DDX52: variants seen among roughly 807,000 people sequenced by gnomAD.
DDX52 encodes the protein probable ATP-dependent RNA helicase DDX52.
DDX52 carries 59 observed loss-of-function variants against 76.1 expected under a neutral mutation model. That is an observed-to-expected ratio of 0.78 (90% CI 0.63 to 0.96). DDX52 has a LOEUF of 0.96. Ranked by LOEUF, DDX52 falls within the 40% of genes least tolerant of loss-of-function variation. DDX52 has a pLI of 0.00. For missense variants in DDX52, 707 were observed against 703.9 expected, an observed-to-expected ratio of 1.00 and a Z score of -0.05; for synonymous variants, 231 against 244.1, an observed-to-expected ratio of 0.95 and a Z score of 0.50.
Position 37,614,343 on chromosome 17 carries a change from T to G in DDX52, c.1753A>C (p.Thr585Pro). 4 of 1,611,148 alleles carry G rather than the reference T, an allele frequency of 2.5e-6. No homozygotes were observed. The highest frequency in any genetic ancestry group is 3.4e-6 in the Non-Finnish European group (4 of 1,179,198). Reference protein sequence around the residue: ...EKAKDKQKKVTGQNSKKKVAL... With the variant: ...EKAKDKQKKVPGQNSKKKVAL... ...ACTTTCTTCTTGCTGTTCTGACCAG[T>G]GACCTTTTTCCTGTAAAGAGCAAAG... is the stretch of plus-strand genomic sequence containing the variant. Residue 585 changes from threonine to proline, a missense_variant, in exon 15 of 15, where the codon ACT (threonine) becomes CCT (proline). By Grantham distance (38) the Thr-to-Pro change is conservative. Transcript: ENST00000617633.
intron 12 of DDX52, 125 bp from the exon 13 acceptor site, chr17:37,619,964 AT>A: frequency 1.1e-6 from 1 of 878,244 alleles, no homozygotes; most frequent in Non-Finnish European, 1.8e-6. Context: ...GTGTTCTGAT[AT>A]ATTATCAATT....
intron 9 of DDX52, 75 bp downstream of exon 9, chr17:37,624,269 A>G (rs2030249439): frequency 9.2e-6 from 10 of 1,088,950 alleles, no homozygotes; most frequent in Non-Finnish European, 1.2e-5. Flanking sequence ...CAGTGCTACC[A>G]CTGTAATAGC....
chr17:37,641,979 T>C (rs2031221770), intron 2 of DDX52, 131 bp downstream of exon 2: 4 of 1,092,558 alleles, frequency 3.7e-6, no homozygotes, highest in Non-Finnish European at 5.3e-6. Context: ...TAATGACAAA[T>C]ACCTGGAAAC....
chr17:37,626,485 G>A lies in DDX52; in HGVS notation c.932+303C>T, dbSNP rs569864711. ...GACTTGTGGGTCAATTAAACCTTCC[G>A]TTCTTTATAAATTACCCAGTCTCAG... On this transcript the variant is annotated intron_variant, in intron 7 of 14. Coordinates refer to ENST00000617633, the MANE Select transcript of DDX52 (RefSeq NM_007010.5). 6.6e-4 allele frequency among the ~76,000 whole-genome samples: 100 copies of A among 152,176 alleles called. 2 individuals carry two copies. The Middle Eastern group carries it at 0.02, about 31-fold the overall frequency.
chr17:37,633,620 C>T (rs1188664701), intron 2 of DDX52, among the ~76,000 whole-genome samples: 1 of 146,608 alleles, frequency 6.8e-6, no homozygotes, highest in Non-Finnish European at 1.5e-5. Context: ...CATGCCACTG[C>T]ATTCCAGCCT....
chr17:37,630,948 T>G (rs1442769495), intron 4 of DDX52: 1 of 152,226 alleles, frequency 6.6e-6, no homozygotes, highest in African/African-American at 2.4e-5. Context: ...CCCACTGTGA[T>G]TTTTTAAGCT....
chr17:37,616,675 A>G (rs943466835), intron 14 of DDX52, among the ~76,000 whole-genome samples: 1 of 151,894 alleles, frequency 6.6e-6, no homozygotes, highest in Non-Finnish European at 1.5e-5. Flanking sequence ...AAAAAAAAAA[A>G]GTAAATGTGA....
rs2030399447 is a variant in DDX52 at position 37,626,789 on chromosome 17, T to A, written c.931A>T (p.Ser311Cys). ...AAGACATGAAAATATCATCTATACCTTGCTAGGTCGATTCCGGGGGGATCT... is the reference window on the plus strand; with the variant it reads ...AAGACATGAAAATATCATCTATACCATGCTAGGTCGATTCCGGGGGGATCT... ...KQDPPGIDLASVEWLVVDESD... is the reference protein window; with the variant it reads ...KQDPPGIDLACVEWLVVDESD... Residue 311 changes from serine (S) to cysteine (C), a missense_variant and splice_region_variant, in exon 7 of 15, where the codon AGT (serine) becomes TGT (cysteine). Coordinates refer to ENST00000617633, the MANE Select transcript of DDX52 (RefSeq NM_007010.5). 1 of 1,611,014 alleles carries A rather than the reference T, an allele frequency of 6.2e-7. No homozygotes were observed. Among genetic ancestry groups the A allele is most frequent in the Admixed American group, 1.7e-5 (1 of 59,510 alleles).
At chr17:37,640,204 A>G (rs1408042657) in intron 2 of DDX52, among the ~76,000 whole-genome samples, 1 of 152,216 alleles carries the variant, frequency 6.6e-6, no homozygotes, top group East Asian at 1.9e-4. Flanking sequence ...TGACACTGCA[A>G]AACTACAACA....
In DDX52 at chr17:37,642,300, T is replaced by C. The variant is rs370368081; in HGVS notation, c.96A>G (p.Lys32=). The part of the protein sequence containing the change: ...SADAARFQIG[K]RKYDFDSSEV... Reference sequence around the variant, plus strand: ...CCGAAGAATCAAAGTCATATTTCCTTTTTCCTATCTAAAACCCAAAAAATG... The same window carrying C: ...CCGAAGAATCAAAGTCATATTTCCTCTTTCCTATCTAAAACCCAAAAAATG... Residue 32 remains lysine, a synonymous_variant, in exon 2 of 15, where the codon AAA becomes AAG. Transcript: ENST00000617633. The C allele has an allele frequency of 3.1e-6, 5 of 1,612,898 alleles. No homozygotes were observed. The highest frequency in any genetic ancestry group is 4.2e-6 in the Non-Finnish European group (5 of 1,179,506).
At chr17:37,624,827 TG>T (rs2030282098) in intron 8 of DDX52, among the ~76,000 whole-genome samples, 1 of 152,052 alleles carries the variant, frequency 6.6e-6, no homozygotes, top group Non-Finnish European at 1.5e-5. Flanking sequence ...CAGTTAGGGG[TG>T]AGATATATTA....
At chr17:37,640,138 C>G (rs896479476) in intron 2 of DDX52, among the ~76,000 whole-genome samples, 3 of 152,182 alleles carry the variant, frequency 2.0e-5, no homozygotes, top group Non-Finnish European at 4.4e-5. Flanking sequence ...TGCAATTCCA[C>G]TTCTAAGAAT....
At chr17:37,622,097 G>C (rs2030128628) in intron 9 of DDX52, among the ~76,000 whole-genome samples, 1 of 151,636 alleles carries the variant, frequency 6.6e-6, no homozygotes, top group African/African-American at 2.4e-5. Flanking sequence ...CTTAGTCCTT[G>C]GTTCTCAGTT....
At chr17:37,618,194 G>C (rs1308618944) in intron 14 of DDX52, 98 bp downstream of exon 14, 2 of 826,696 alleles carry the variant, frequency 2.4e-6, no homozygotes, top group Non-Finnish European at 3.9e-6. Context: ...ACAGACTGTA[G>C]TATCAATTCT....
At chr17:37,634,296 C>A (rs1322057588) in intron 2 of DDX52, among the ~76,000 whole-genome samples, 2 of 151,676 alleles carry the variant, frequency 1.3e-5, no homozygotes, top group African/African-American at 4.8e-5. Flanking sequence ...ATGTAAACAA[C>A]CAACAACTAA....
In DDX52 at chr17:37,611,837, T is replaced by C. The variant is rs2064369487; in HGVS notation, c.*2459A>G. Reference sequence around the variant, plus strand: ...TAGCTGAGTGTTGGTGGCCCGCACCTATAGTACCAGCTACTCGGGAGGCTG... The same window carrying C: ...TAGCTGAGTGTTGGTGGCCCGCACCCATAGTACCAGCTACTCGGGAGGCTG... On this transcript the variant is annotated 3_prime_UTR_variant, in exon 15 of 15. Transcript: ENST00000617633. The C allele has an allele frequency of 6.7e-6, 1 of 150,050 alleles. No individual in the cohort carries two copies. The highest frequency in any genetic ancestry group is 1.5e-5 in the Non-Finnish European group (1 of 67,752). The allele number at this position is 150,050 out of a possible 1,614,324, so 9.3% of individuals were successfully genotyped here. A position where few individuals can be genotyped will look rare whatever the true frequency, so the allele number is the denominator to read the frequency against.
At chr17:37,631,148 C>T (rs915202555) in intron 4 of DDX52, 1 of 152,126 alleles carries the variant, frequency 6.6e-6, no homozygotes, top group Non-Finnish European at 1.5e-5. Flanking sequence ...AAGGCCATCT[C>T]GGTTACATGG....
Position 37,613,562 on chromosome 17 carries a change from T to G in DDX52, c.*734A>C, listed in dbSNP as rs950526803. 6.6e-6 allele frequency: 1 copy of G among 152,184 alleles called. No homozygotes were observed. The highest frequency in any genetic ancestry group is 1.5e-5 in the Non-Finnish European group (1 of 68,034). 9.4% of individuals were successfully genotyped at this position (152,184 alleles called of 1,614,324 possible). Reference sequence around the variant, plus strand: ...TATTACGTATCCAATACAAGGATACTTAATAGACCAAAGAATTTAAAATCC... The same window carrying G: ...TATTACGTATCCAATACAAGGATACGTAATAGACCAAAGAATTTAAAATCC... On this transcript the variant is annotated 3_prime_UTR_variant, in exon 15 of 15. Transcript: ENST00000617633.
intron 9 of DDX52, 36 bp from the exon 10 acceptor site, chr17:37,621,556 T>C: frequency 6.3e-7 from 1 of 1,583,274 alleles, no homozygotes; most frequent in East Asian, 2.3e-5. Context: ...CATAACTCAA[T>C]CAAGAATACA....
Sources: gnomAD v4.1 joint callset for allele counts (sites outside exome capture counted in the v4.1 genomes callset) on GRCh38, gnomAD v4.1.1 for gene constraint, MANE v1.5 for transcripts, NCBI Gene and HGNC (gene_info 2026-07-23, HGNC 2026-07-21) for gene names.